The following MAK variants were observed in gnomAD, a reference collection of about 807,000 sequenced individuals.
MAK encodes male germ cell associated kinase, also known as serine/threonine-protein kinase MAK.
MAK carries 65 observed loss-of-function variants against 82.6 expected under a neutral mutation model. That is an observed-to-expected ratio of 0.79 (90% CI 0.64 to 0.97). The LOEUF (loss-of-function observed/expected upper bound fraction) is 0.97, where lower values mean the gene tolerates loss of function less well. MAK is among the 50% of genes least tolerant of loss of function. The probability of loss-of-function intolerance (pLI) is 0.00; values close to 1 mark genes in which losing one functional copy is unlikely to be tolerated. For synonymous variants in MAK, 250 were observed against 274.2 expected (o/e 0.91, Z 0.87); for missense variants, 703 against 780.2 (o/e 0.90, Z 1.18).
rs776040726 is a variant in MAK, at chr6:10,813,844, AT to A, written c.279-122del. On this transcript the variant is annotated intron_variant, in intron 4 of 14. Transcript: ENST00000354489. The stretch of plus-strand genomic sequence containing the variant: ...CCTCACGATACTGGTTAAACCTATG[AT>A]TTATAGATTTATACTCTTAAAGCTC... The A allele has an allele frequency of 9.9e-4, 723 of 726,900 alleles. 2 individuals are homozygous for A. The highest frequency in any genetic ancestry group is 1.5e-3 in the South Asian group (102 of 68,972). The allele number at this position is 726,900 out of a possible 1,614,324, so 45.0% of individuals were successfully genotyped here.
intron 2 of MAK, among the ~76,000 whole-genome samples, chr6:10,825,552 C>T (rs1778300972): frequency 6.6e-6 from 1 of 151,978 alleles, no homozygotes; most frequent in African/African-American, 2.4e-5. Flanking sequence ...TTAGCCTGCA[C>T]CTCTGTTTTG....
At chr6:10,808,992 C>T (rs1472355148) in intron 5 of MAK, 50 bp from the exon 6 acceptor site, 3 of 1,470,652 alleles carry the variant, frequency 2.0e-6, no homozygotes, top group Non-Finnish European at 2.8e-6. Context: ...TACGTTTAAA[C>T]ATAGCTTTAT....
At chr6:10,813,530 C>T in intron 5 of MAK, 114 bp downstream of exon 5, 3 of 725,784 alleles carry the variant, frequency 4.1e-6, no homozygotes, top group East Asian at 2.6e-5. Flanking sequence ...TAGGCACATA[C>T]TCCAGATTCA....
chr6:10,779,588 G>A, intron 11 of MAK: 1 of 504,730 alleles, frequency 2.0e-6, no homozygotes, highest in Non-Finnish European at 2.6e-6. Flanking sequence ...GGGTAAAGAG[G>A]GGGCCCCAAA....
chr6:10,822,719 C>T (rs973579865), intron 2 of MAK, among the ~76,000 whole-genome samples: 6 of 152,138 alleles, frequency 3.9e-5, no homozygotes, highest in African/African-American at 1.4e-4. Flanking sequence ...CCACTCCATG[C>T]CAGGGCAATG....
intron 11 of MAK, among the ~76,000 whole-genome samples, chr6:10,782,577 ATTT>A (rs70991043): frequency 7.8e-4 from 91 of 116,542 alleles, no homozygotes; most frequent in African/African-American, 2.7e-3. Context: ...TCCCAACTGG[ATTT>A]TTTTTTTTTT....
At chr6:10,812,835 C>T (rs1777051696) in intron 5 of MAK, among the ~76,000 whole-genome samples, 1 of 151,430 alleles carries the variant, frequency 6.6e-6, no homozygotes, top group African/African-American at 2.4e-5. Flanking sequence ...ACAATATCAG[C>T]TCACTGCAAT....
chr6:10,810,786 T>C (rs1260749306), intron 5 of MAK, among the ~76,000 whole-genome samples: 1 of 152,234 alleles, frequency 6.6e-6, no homozygotes, highest in Non-Finnish European at 1.5e-5. Flanking sequence ...CATTTCACTA[T>C]GTCCAAGAGA....
At chr6:10,826,368 T>C (rs1427373602) in intron 2 of MAK, among the ~76,000 whole-genome samples, 3 of 151,880 alleles carry the variant, frequency 2.0e-5, no homozygotes, top group Admixed American at 6.6e-5. Context: ...TCCCCCATCA[T>C]AGGACTTAGC....
At chr6:10,766,261 A>C (rs191677152) in intron 14 of MAK, among the ~76,000 whole-genome samples, 219 of 152,246 alleles carry the variant, frequency 1.4e-3, no homozygotes, top group Non-Finnish European at 2.7e-3. Flanking sequence ...GTTTTTCTTA[A>C]ATTTTCACTG....
At chr6:10,821,565 C>T (rs1777940535) in intron 2 of MAK, among the ~76,000 whole-genome samples, 1 of 152,182 alleles carries the variant, frequency 6.6e-6, no homozygotes, top group Non-Finnish European at 1.5e-5. Flanking sequence ...CATGAGCCAC[C>T]ACTCCAGGTC....
rs1433101869 is a variant in MAK, at chr6:10,821,886, A to G, written c.102-2946T>C. 1.6e-4 allele frequency among the ~76,000 whole-genome samples: 24 copies of G among 150,818 alleles called. No homozygotes were observed. The South Asian group carries it at 1.7e-3, about 11-fold the overall frequency. ...TCTGAGGCCGGGCACGGTGGCTCAC[A>G]CCTGTAATCCCAGCACTTTGGGAGG... On this transcript the variant is annotated intron_variant, in intron 2 of 14. Coordinates refer to ENST00000354489, the MANE Select transcript of MAK (RefSeq NM_001242957.3).
chr6:10,780,326 A>G, intron 11 of MAK: 1 of 747,712 alleles, frequency 1.3e-6, no homozygotes, highest in African/African-American at 1.9e-5. Context: ...CAGAACTATG[A>G]AAACAGGGTG....
chr6:10,810,449 C>T (rs1011439734), intron 5 of MAK, among the ~76,000 whole-genome samples: 1 of 150,112 alleles, frequency 6.7e-6, no homozygotes, highest in Non-Finnish European at 1.5e-5. Context: ...AAGCGATTCT[C>T]CTGCCTCAGC....
Position 10,775,494 on chromosome 6 carries a change from A to G in MAK, c.1466-35T>C, listed in dbSNP as rs749980486. On this transcript the variant is annotated intron_variant, in intron 11 of 14. Coordinates refer to ENST00000354489, the MANE Select transcript of MAK (RefSeq NM_001242957.3). Reference sequence around the variant, plus strand: ...ACAAAACAACCACTTCAAAGGTTAGAGCAGATCATAAACTTAAAGGAAACT... The same window carrying G: ...ACAAAACAACCACTTCAAAGGTTAGGGCAGATCATAAACTTAAAGGAAACT... The G allele has an allele frequency of 2.5e-6, 4 of 1,606,560 alleles. No individual in the cohort carries two copies. The South Asian group carries it at 4.4e-5, about 18-fold the overall frequency.
At chr6:10,826,118 C>T (rs1018661240) in intron 2 of MAK, among the ~76,000 whole-genome samples, 2 of 152,166 alleles carry the variant, frequency 1.3e-5, no homozygotes, top group South Asian at 2.1e-4. Flanking sequence ...CTGCCCCACT[C>T]GTAATCCACG....
chr6:10,822,019 C>T (rs1193970614), intron 2 of MAK, among the ~76,000 whole-genome samples: 3 of 151,414 alleles, frequency 2.0e-5, no homozygotes, highest in African/African-American at 4.9e-5. Context: ...TGGTGGCGGG[C>T]GCCTGTAGTC....
In MAK at chr6:10,764,038, C is replaced by G. The variant is rs1418668677; in HGVS notation, c.*414G>C. 6.0e-6 allele frequency: 1 copy of G among 167,104 alleles called. No homozygotes were observed. The highest frequency in any genetic ancestry group is 2.4e-5 in the African/African-American group (1 of 41,584). The allele number at this position is 167,104 out of a possible 1,614,324, so 10.4% of individuals were successfully genotyped here. A position where few individuals can be genotyped will look rare whatever the true frequency, so the allele number is the denominator to read the frequency against. ...CCAACTGCTGTACAAAAACAAAAGACAAACCTCTTAAGCCAACCACAGCAA... is the reference window on the plus strand; with the variant it reads ...CCAACTGCTGTACAAAAACAAAAGAGAAACCTCTTAAGCCAACCACAGCAA... On this transcript the variant is annotated 3_prime_UTR_variant, in exon 15 of 15. Coordinates refer to ENST00000354489, the MANE Select transcript of MAK (RefSeq NM_001242957.3).
chr6:10,785,503 C>T (rs1431225514), intron 10 of MAK, among the ~76,000 whole-genome samples: 1 of 152,228 alleles, frequency 6.6e-6, no homozygotes, highest in Non-Finnish European at 1.5e-5. Context: ...CAAGTTGGCT[C>T]CCTTGGAAAT....
Sources: gnomAD v4.1 joint callset for allele counts (sites outside exome capture counted in the v4.1 genomes callset) on GRCh38, gnomAD v4.1.1 for gene constraint, MANE v1.5 for transcripts, NCBI Gene and HGNC (gene_info 2026-07-23, HGNC 2026-07-21) for gene names.